PEAK1: variants seen among roughly 807,000 people sequenced by gnomAD.
The protein encoded by PEAK1 is inactive tyrosine-protein kinase PEAK1.
A neutral mutation model predicts 124.7 loss-of-function variants in PEAK1; 54 were observed. That is an observed-to-expected ratio of 0.43 (90% CI 0.35 to 0.54). The LOEUF is 0.54. PEAK1 is among the 20% of genes least tolerant of loss of function. The probability of loss-of-function intolerance (pLI) is 0.01; values close to 1 mark genes in which losing one functional copy is unlikely to be tolerated. For missense variants in PEAK1, 2,046 were observed against 2,134.5 expected, an observed-to-expected ratio of 0.96 and a Z score of 0.82; for synonymous variants, 719 against 760.0, an observed-to-expected ratio of 0.95 and a Z score of 0.89.
chr15:77,400,935 G>T (rs1385580937), intron 1 of PEAK1, among the ~76,000 whole-genome samples: 1 of 152,054 alleles, frequency 6.6e-6, no homozygotes, highest in African/African-American at 2.4e-5. Context: ...TCTCTAAAAT[G>T]AGATAAATAA....
At position 77,347,219 on chromosome 15, in the gene PEAK1, G is replaced by A. The variant is rs1036973966; in HGVS notation, c.-603+17944C>T. On this transcript the variant is annotated intron_variant, in intron 2 of 9. Transcript: ENST00000682557. ...AGATAAGATCTCTTCAAAGTGCCACGGCCATTTCAAAGTTATCTGCTGAGA... is the reference window on the plus strand; with the variant it reads ...AGATAAGATCTCTTCAAAGTGCCACAGCCATTTCAAAGTTATCTGCTGAGA... 19 of 983,452 alleles carry A rather than the reference G, an allele frequency of 1.9e-5. No homozygotes were observed. The East Asian group carries it at 3.4e-4, about 18-fold the overall frequency. The allele number at this position is 983,452 out of a possible 1,614,324, so 60.9% of individuals were successfully genotyped here.
Position 77,181,298 on chromosome 15 carries a change from A to G in PEAK1, c.629T>C (p.Ile210Thr). 6.2e-7 allele frequency: 1 copy of G among 1,614,138 alleles called. No homozygotes were observed. ...AATCACTTCTGTGCTCCCACTCAGA[A>G]TAACATGCTTGCCCTGAGTTTCCTT... Reference protein sequence around the residue: ...GIKETQGKHVILSGSTEVISN... With the variant: ...GIKETQGKHVTLSGSTEVISN... Residue 210 changes from isoleucine to threonine, a missense_variant, in exon 7 of 10, where the codon ATT becomes ACT. Transcript: ENST00000682557.
intron 6 of PEAK1, among the ~76,000 whole-genome samples, chr15:77,225,611 G>A (rs1160937335): frequency 2.1e-5 from 3 of 145,220 alleles, no homozygotes; most frequent in Non-Finnish European, 1.5e-5. Context: ...GGTGAAATCT[G>A]AGCAAGACTT....
Position 77,140,493 on chromosome 15 carries a change from T to C in PEAK1, c.3332-6743A>G, listed in dbSNP as rs2053687757. 3.9e-5 allele frequency among the ~76,000 whole-genome samples: 6 copies of C among 152,052 alleles called. No individual in the cohort carries two copies. The South Asian group carries it at 1.0e-3, about 26-fold the overall frequency. The stretch of plus-strand genomic sequence containing the variant: ...CAATGGAATAAAGGGGGAAAAAAGC[T>C]CACATAATCACCTTAATAGATGCAG... On this transcript the variant is annotated intron_variant, in intron 8 of 9. Coordinates refer to ENST00000682557, the MANE Select transcript of PEAK1 (RefSeq NM_001385026.1).
At chr15:77,142,168 G>C (rs561572412) in intron 8 of PEAK1, among the ~76,000 whole-genome samples, 2 of 152,284 alleles carry the variant, frequency 1.3e-5, no homozygotes, top group Non-Finnish European at 2.9e-5. Context: ...ATGGGTAAAA[G>C]ATTTGCATAG....
At chr15:77,352,318 T>A in intron 2 of PEAK1, 3 of 985,360 alleles carry the variant, frequency 3.0e-6, no homozygotes, top group South Asian at 9.4e-5. Flanking sequence ...CAAATCGAAG[T>A]GCCTTACTCG....
rs979341886 is a variant in PEAK1 at position 77,111,483 on chromosome 15, C to T, written c.*2673G>A. Reference sequence around the variant, plus strand: ...TCCCTCTCTATCTCACATTCTTTGGCCATCACCCAGAGAAAAATTAATCTA... The same window carrying T: ...TCCCTCTCTATCTCACATTCTTTGGTCATCACCCAGAGAAAAATTAATCTA... On this transcript the variant is annotated 3_prime_UTR_variant, in exon 10 of 10. Coordinates refer to ENST00000682557, the MANE Select transcript of PEAK1 (RefSeq NM_001385026.1). The T allele has an allele frequency of 1.3e-5, 2 of 152,190 alleles. No homozygotes were observed. The highest frequency in any genetic ancestry group is 2.4e-5 in the African/African-American group (1 of 41,458). 9.4% of individuals were successfully genotyped at this position (152,190 alleles called of 1,614,324 possible). A position where few individuals can be genotyped will look rare whatever the true frequency, so the allele number is the denominator to read the frequency against.
intron 5 of PEAK1, among the ~76,000 whole-genome samples, chr15:77,271,124 A>G (rs527625544): frequency 1.3e-5 from 2 of 152,348 alleles, no homozygotes; most frequent in Non-Finnish European, 2.9e-5. Flanking sequence ...GGCGAAGGAC[A>G]TGAACAGACA....
chr15:77,322,934 C>T (rs567696211), intron 2 of PEAK1, among the ~76,000 whole-genome samples: 139 of 152,278 alleles, frequency 9.1e-4, no homozygotes, highest in African/African-American at 3.2e-3. Flanking sequence ...GCTTATCCAC[C>T]ATGATCAAGA....
chr15:77,205,964 T>A (rs2058626097), intron 6 of PEAK1, among the ~76,000 whole-genome samples: 1 of 129,934 alleles, frequency 7.7e-6, no homozygotes, highest in African/African-American at 2.9e-5. Context: ...CTCCCAATGC[T>A]ATCCCTCCCC....
chr15:77,169,959 T>C (rs2056392480), intron 7 of PEAK1, among the ~76,000 whole-genome samples: 1 of 152,104 alleles, frequency 6.6e-6, no homozygotes, highest in African/African-American at 2.4e-5. Context: ...AGATATCAAG[T>C]GGAAAATTGC....
At chr15:77,244,665 T>C (rs1194897585) in intron 6 of PEAK1, among the ~76,000 whole-genome samples, 1 of 152,052 alleles carries the variant, frequency 6.6e-6, no homozygotes, top group Non-Finnish European at 1.5e-5. Context: ...CTCGGCTCGC[T>C]GCAGCCTCCA....
At chr15:77,395,006 T>TA (rs2070771311) in intron 1 of PEAK1, among the ~76,000 whole-genome samples, 1 of 152,108 alleles carries the variant, frequency 6.6e-6, no homozygotes, top group African/African-American at 2.4e-5. Context: ...AAAATTAAGT[T>TA]AAAAATTTAA....
chr15:77,156,137 T>C (rs1461875464), intron 8 of PEAK1: 4 of 153,476 alleles, frequency 2.6e-5, no homozygotes, highest in Non-Finnish European at 5.8e-5. Flanking sequence ...CCTTGAGCTG[T>C]GGTGGGCTCC....
intron 9 of PEAK1, among the ~76,000 whole-genome samples, chr15:77,116,701 AATCTATCTATCTATCTATCT>A (rs34607835): frequency 1.8e-3 from 261 of 145,858 alleles, no homozygotes; most frequent in African/African-American, 2.1e-3. Context: ...GAAATCAATC[AATCTATCTATCTATCTATCT>A]ATCTATCTAT....
chr15:77,300,195 G>A (rs1597181544), intron 2 of PEAK1, among the ~76,000 whole-genome samples: 1 of 152,152 alleles, frequency 6.6e-6, no homozygotes, highest in South Asian at 2.1e-4. Context: ...TCAGTAATAC[G>A]AAAGCCAAAG....
At chr15:77,370,764 A>T in intron 1 of PEAK1, 1 of 982,450 alleles carries the variant, frequency 1.0e-6, no homozygotes, top group Non-Finnish European at 1.2e-6. Flanking sequence ...AGGCACGGTG[A>T]CTCATGCCTG....
chr15:77,417,856 T>G (rs547831448), intron 1 of PEAK1: 2 of 985,484 alleles, frequency 2.0e-6, no homozygotes, highest in African/African-American at 3.5e-5. Context: ...TGATGCTTAT[T>G]TGGCAAATAT....
intron 6 of PEAK1, among the ~76,000 whole-genome samples, chr15:77,227,827 A>G (rs2059742877): frequency 6.6e-6 from 1 of 151,900 alleles, no homozygotes; most frequent in South Asian, 2.1e-4. Flanking sequence ...GCAAGGCTCC[A>G]GGTCAACTAA....
Sources: gnomAD v4.1 joint callset for allele counts (sites outside exome capture counted in the v4.1 genomes callset) on GRCh38, gnomAD v4.1.1 for gene constraint, MANE v1.5 for transcripts, NCBI Gene and HGNC (gene_info 2026-07-23, HGNC 2026-07-21) for gene names.